Variants in IL16 observed in about 807,000 individuals in gnomAD.
IL16 encodes the protein interleukin 16, also known as pro-interleukin-16.
Under a neutral mutation model 110.1 loss-of-function variants are expected in IL16, and 67 were observed. The ratio of observed to expected loss-of-function variants is 0.61; its 90% CI spans 0.50 to 0.75. The LOEUF (loss-of-function observed/expected upper bound fraction) is 0.75. IL16 is among the 30% of genes least tolerant of loss of function. The pLI, the probability that IL16 is intolerant of heterozygous loss-of-function variation, is 0.00. For missense variants in IL16, 1,545 were observed against 1,655.0 expected, an observed-to-expected ratio of 0.93 and a Z score of 1.15; for synonymous variants, 689 against 662.9, an observed-to-expected ratio of 1.04 and a Z score of -0.61.
At chr15:81,207,698 T>C (rs1896085229) in intron 1 of IL16, among the ~76,000 whole-genome samples, 1 of 152,230 alleles carries the variant, frequency 6.6e-6, no homozygotes, top group African/African-American at 2.4e-5. Flanking sequence ...GCAAAGGACA[T>C]GATTTCATTC....
intron 6 of IL16, 146 bp from the exon 7 acceptor site, chr15:81,278,671 G>T: frequency 1.5e-6 from 1 of 664,086 alleles, no homozygotes; most frequent in Non-Finnish European, 2.7e-6. Flanking sequence ...TTCGCAAGGG[G>T]AGAGCACAAA....
intron 13 of IL16, 113 bp from the exon 14 acceptor site, chr15:81,299,267 G>A (rs1900139607): frequency 3.2e-6 from 5 of 1,582,992 alleles, no homozygotes; most frequent in Non-Finnish European, 4.3e-6. Context: ...CCCCACTTCT[G>A]CTAATCTCCT....
intron 17 of IL16, 86 bp from the exon 18 acceptor site, chr15:81,306,334 T>C (rs1265007442): frequency 6.4e-6 from 10 of 1,573,006 alleles, no homozygotes; most frequent in Non-Finnish European, 8.6e-6. Flanking sequence ...ACGGGGGCTG[T>C]ATCACCCCGG....
rs758279009 is a variant in IL16 at position 81,269,579 on chromosome 15, C to T, written c.606C>T (p.Leu202=). Residue 202 remains leucine (L), a synonymous_variant, in exon 5 of 19, where the codon CTC becomes CTT. Coordinates refer to ENST00000683961, the MANE Select transcript of IL16 (RefSeq NM_172217.5). Reference sequence around the variant, plus strand: ...CACGGTCCCTGAGCACAGCTCAGCTCGTGCAGCCATCTGGGGGCCTCCAGG... The same window carrying T: ...CACGGTCCCTGAGCACAGCTCAGCTTGTGCAGCCATCTGGGGGCCTCCAGG... ...RPTRSLSTAQ[L]VQPSGGLQAS... 26 of 1,613,966 alleles carry T rather than the reference C, an allele frequency of 1.6e-5. No homozygotes were observed. Among genetic ancestry groups the T allele is most frequent in the South Asian group, 5.5e-5 (5 of 91,070 alleles).
intron 2 of IL16, among the ~76,000 whole-genome samples, chr15:81,242,792 C>T (rs1229300430): frequency 1.3e-5 from 2 of 151,916 alleles, no homozygotes; most frequent in African/African-American, 4.8e-5. Flanking sequence ...TCTTTGTCCC[C>T]AGTCTTGGTG....
At position 81,240,617 on chromosome 15, in the gene IL16, C is replaced by T. The variant is rs78853173; in HGVS notation, c.312+14906C>T. Among the ~76,000 whole-genome samples, 870 of 152,152 alleles carry T rather than the reference C, an allele frequency of 5.7e-3. 4 individuals are homozygous for T. Among genetic ancestry groups the T allele is most frequent in the Non-Finnish European group, 0.011 (726 of 67,960 alleles). ...TTCCCTGATTACTAATAACGTTGTA[C>T]GTATATAAACCTTTTTTCATATTTT... is the stretch of plus-strand genomic sequence containing the variant. On this transcript the variant is annotated intron_variant, in intron 2 of 18. Transcript: ENST00000683961.
At chr15:81,267,621 G>A (rs1898450562) in intron 4 of IL16, among the ~76,000 whole-genome samples, 1 of 152,108 alleles carries the variant, frequency 6.6e-6, no homozygotes, top group African/African-American at 2.4e-5. Flanking sequence ...GAAGCCTATG[G>A]TTTAGACCTA....
chr15:81,233,459 C>CTCTG (rs368371605), intron 2 of IL16, among the ~76,000 whole-genome samples: 9 of 143,370 alleles, frequency 6.3e-5, no homozygotes, highest in African/African-American at 2.0e-4. Flanking sequence ...TCTTCTCTTT[C>CTCTG]TGTGTGTGTG....
intron 2 of IL16, among the ~76,000 whole-genome samples, chr15:81,251,046 T>G (rs2142145846): frequency 6.6e-6 from 1 of 152,208 alleles, no homozygotes; most frequent in East Asian, 1.9e-4. Flanking sequence ...GCTTCTGGGC[T>G]CTGCTTGTTT....
intron 1 of IL16, among the ~76,000 whole-genome samples, chr15:81,189,992 G>C (rs1895474320): frequency 6.6e-6 from 1 of 152,178 alleles, no homozygotes; most frequent in Non-Finnish European, 1.5e-5. Context: ...GCTTTGCACA[G>C]CTGGGCACCA....
At chr15:81,222,827 A>G (rs939945603) in intron 1 of IL16, among the ~76,000 whole-genome samples, 5 of 151,982 alleles carry the variant, frequency 3.3e-5, no homozygotes, top group African/African-American at 7.3e-5. Flanking sequence ...ACTCCTAAGG[A>G]AGTGATCAAA....
rs1298353486 is a variant in IL16, at chr15:81,243,360, T to A, written c.313-16412T>A. 3.3e-5 allele frequency among the ~76,000 whole-genome samples: 5 copies of A among 150,500 alleles called. No homozygotes were observed. The East Asian group carries it at 9.8e-4, about 29-fold the overall frequency. On this transcript the variant is annotated intron_variant, in intron 2 of 18. Coordinates refer to ENST00000683961, the MANE Select transcript of IL16 (RefSeq NM_172217.5). ...CTGGCTAATTTTTATTTTCTTAGTT[T>A]TTTTTGTAGAGAGAGAATTTTGCCA...
rs1194505226 is a variant in IL16, at chr15:81,299,601, C to A, written c.2275C>A (p.Pro759Thr). Residue 759 changes from proline (P) to threonine (T), a missense_variant, in exon 14 of 19, where the codon CCA becomes ACA. By Grantham distance (38) the Pro-to-Thr change is conservative (BLOSUM62 -1). Around this residue, in one of 3 missense-constraint regions of IL16, gnomAD observed 1,185 missense variants for 1,238.8 expected, o/e 0.96. Transcript: ENST00000683961. ...GTQGHPDGTPPKLDTANGTPK... is the reference protein window; with the variant it reads ...GTQGHPDGTPTKLDTANGTPK... ...ACAGGGCCACCCAGATGGGACCCCA[C>A]CAAAGCTGGACACCGCCAATGGCAC... The A allele has an allele frequency of 6.2e-7, 1 of 1,614,192 alleles. No individual in the cohort carries two copies. Among genetic ancestry groups the A allele is most frequent in the Middle Eastern group, 1.6e-4 (1 of 6,062 alleles).
chr15:81,308,837 AAC>A lies in IL16; in HGVS notation c.*45_*46del. On this transcript the variant is annotated 3_prime_UTR_variant, in exon 19 of 19. Transcript: ENST00000683961. ...AAGCCAAAGCCAATAACACACAGCT[AAC>A]ACACAGCTCCCATAACCGCTGATTC... 6.5e-7 allele frequency: 1 copy of A among 1,532,086 alleles called. No homozygotes were observed. Among genetic ancestry groups the A allele is most frequent in the Non-Finnish European group, 8.9e-7 (1 of 1,121,216 alleles). 94.9% of individuals were successfully genotyped at this position (1,532,086 alleles called of 1,614,324 possible).
intron 1 of IL16, among the ~76,000 whole-genome samples, chr15:81,188,881 G>A (rs2141916139): frequency 6.6e-6 from 1 of 152,250 alleles, no homozygotes; most frequent in Non-Finnish European, 1.5e-5. Context: ...TGGCAGCAAG[G>A]CTTTATTCTC....
At chr15:81,188,974 C>G (rs912898614) in intron 1 of IL16, among the ~76,000 whole-genome samples, 1 of 152,102 alleles carries the variant, frequency 6.6e-6, no homozygotes, top group South Asian at 2.1e-4. Flanking sequence ...TTATTTATTT[C>G]TTATTTATTG....
intron 1 of IL16, among the ~76,000 whole-genome samples, chr15:81,222,088 C>T (rs2087251291): frequency 6.6e-6 from 1 of 151,950 alleles, no homozygotes; most frequent in African/African-American, 2.4e-5. Context: ...AGTTATTGTA[C>T]ATTGGAAGAG....
In IL16 at chr15:81,305,933, T is replaced by C. The variant is rs1302973343; in HGVS notation, c.3446T>C (p.Leu1149Pro). ...ITVHRVFPNG[L>P]ASQEGTIQKG... ...GTTCACAGAGTGTTTCCAAATGGGC[T>C]GGCCTCCCAGGAAGGGACTATTCAG... The change falls in exon 17 of 19, where the codon CTG becomes CCG. Residue 1149 changes from leucine (L) to proline (P), a missense_variant. Coordinates refer to ENST00000683961, the MANE Select transcript of IL16 (RefSeq NM_172217.5). The C allele has an allele frequency of 1.2e-6, 2 of 1,614,256 alleles. No individual in the cohort carries two copies. Among genetic ancestry groups the C allele is most frequent in the African/African-American group, 1.3e-5 (1 of 75,076 alleles).
intron 8 of IL16, among the ~76,000 whole-genome samples, chr15:81,280,394 G>T (rs1047548353): frequency 1.3e-5 from 2 of 152,242 alleles, no homozygotes; most frequent in Non-Finnish European, 2.9e-5. Context: ...CTGACATCAG[G>T]GTACTTGGCA....
Sources: gnomAD v4.1 joint callset for allele counts (sites outside exome capture counted in the v4.1 genomes callset) on GRCh38, gnomAD v4.1.1 for gene constraint, gnomAD v4.1.1 regional missense constraint, MANE v1.5 for transcripts, NCBI Gene and HGNC (gene_info 2026-07-23, HGNC 2026-07-21) for gene names.